CSMD2: variants seen among roughly 807,000 people sequenced by gnomAD.
CSMD2 encodes the protein CUB and Sushi multiple domains 2, also known as CUB and sushi domain-containing protein 2.
In CSMD2, 130 loss-of-function variants were observed where a neutral mutation model predicts 398.5. The ratio of observed to expected loss-of-function variants is 0.33; its 90% CI spans 0.28 to 0.38. CSMD2 has a LOEUF of 0.38. CSMD2 is among the 10% of genes least tolerant of loss of function. The pLI is 1.00. For missense variants in CSMD2, 3,829 were observed against 4,764.9 expected (o/e 0.80, Z 5.78); for synonymous variants, 1,828 against 1,908.5 (o/e 0.96, Z 1.10).
intron 3 of CSMD2, among the ~76,000 whole-genome samples, chr1:33,986,050 A>T (rs1430210747): frequency 6.6e-6 from 1 of 152,184 alleles, no homozygotes; most frequent in Non-Finnish European, 1.5e-5. Flanking sequence ...TTGAGGGCAG[A>T]GGTGGCACCT....
chr1:33,862,037 G>C (rs1639559233), intron 5 of CSMD2: 1 of 152,296 alleles, frequency 6.6e-6, no homozygotes, highest in Non-Finnish European at 1.5e-5. Flanking sequence ...CCAGGCCAGA[G>C]AAGGTTGAAG....
Position 33,739,900 on chromosome 1 carries a change from T to C in CSMD2, c.2174-566A>G, listed in dbSNP as rs1044373688. Among the ~76,000 whole-genome samples, 6 of 152,316 alleles carry C rather than the reference T, an allele frequency of 3.9e-5. No homozygotes were observed. In the South Asian group the frequency reaches 1.2e-3, roughly 32 times the overall value. On this transcript the variant is annotated intron_variant, in intron 14 of 70. Transcript: ENST00000373381. ...CTATTGTCAGGGCTGCCTCTCACTC[T>C]ACCCAGGCAATTGATAATGCAGAGT... is the stretch of plus-strand genomic sequence containing the variant.
At chr1:33,996,864 G>C (rs1646742854) in intron 3 of CSMD2, among the ~76,000 whole-genome samples, 1 of 152,036 alleles carries the variant, frequency 6.6e-6, no homozygotes. Flanking sequence ...GAGAAAAAAG[G>C]GACCGGAAGA....
intron 13 of CSMD2, among the ~76,000 whole-genome samples, chr1:33,744,258 G>A (rs1237403973): frequency 4.6e-5 from 7 of 152,186 alleles, no homozygotes; most frequent in African/African-American, 1.4e-4. Flanking sequence ...GGCGGTAACC[G>A]GGTGGAGACA....
rs538125211 is a variant in CSMD2 at position 33,514,805 on chromosome 1, G to A, written c.*1819C>T. ...CCGTGTCCCAGAGGTGGTGTGGCCA[G>A]GGGTAGGCTCCTGCCTCTGTCAGCC... On this transcript the variant is annotated 3_prime_UTR_variant, in exon 71 of 71. Transcript: ENST00000373381. The A allele has an allele frequency of 6.6e-6, 1 of 152,382 alleles. No individual in the cohort carries two copies. Among genetic ancestry groups the A allele is most frequent in the South Asian group, 2.1e-4 (1 of 4,824 alleles). The allele number at this position is 152,382 out of a possible 1,614,324, so 9.4% of individuals were successfully genotyped here.
chr1:33,783,583 TA>T (rs1653112016), intron 12 of CSMD2, among the ~76,000 whole-genome samples: 1 of 151,974 alleles, frequency 6.6e-6, no homozygotes. Flanking sequence ...GCCAAATCCT[TA>T]ACCTTGGATT....
chr1:34,033,639 C>T (rs1650739615), intron 2 of CSMD2, among the ~76,000 whole-genome samples: 1 of 152,192 alleles, frequency 6.6e-6, no homozygotes, highest in South Asian at 2.1e-4. Flanking sequence ...CCCCTCTAAG[C>T]CTCAGCCTGC....
At chr1:34,159,340 C>CCCG (rs1557450794) in intron 1 of CSMD2, among the ~76,000 whole-genome samples, 1 of 124,140 alleles carries the variant, frequency 8.1e-6, no homozygotes, top group Admixed American at 8.2e-5. Flanking sequence ...CCCCCCCCCA[C>CCCG]CCAGGAGCTT....
intron 5 of CSMD2, among the ~76,000 whole-genome samples, chr1:33,851,924 T>A (rs2125091222): frequency 6.6e-6 from 1 of 150,382 alleles, no homozygotes; most frequent in East Asian, 1.9e-4. Flanking sequence ...TCCCAAGGCT[T>A]TTTTTTTTAC....
At chr1:33,877,740 C>G (rs1421204813) in intron 5 of CSMD2, among the ~76,000 whole-genome samples, 1 of 152,026 alleles carries the variant, frequency 6.6e-6, no homozygotes, top group African/African-American at 2.4e-5. Flanking sequence ...GAAAAGAATA[C>G]TTTTCCCTAT....
At position 33,737,466 on chromosome 1, in the gene CSMD2, C is replaced by T. The variant is rs181824709; in HGVS notation, c.2368+1674G>A. ...AATGGCCAACACTTATTGAGTGTTA[C>T]CTCTCACCAGGCACTGCTCCAAGAA... On this transcript the variant is annotated intron_variant, in intron 15 of 70. Transcript: ENST00000373381. Among the ~76,000 whole-genome samples, 737 of 152,266 alleles carry T rather than the reference C, an allele frequency of 4.8e-3. 20 individuals are homozygous for T. The highest frequency in any genetic ancestry group is 0.045 in the Admixed American group (682 of 15,296).
In CSMD2 at chr1:34,045,046, C is replaced by T. The variant is rs906102028; in HGVS notation, c.405-12340G>A. Among the ~76,000 whole-genome samples the T allele has an allele frequency of 6.1e-3, 339 of 55,992 alleles. 2 individuals are homozygous for T. Among genetic ancestry groups the T allele is most frequent in the Middle Eastern group, 0.016 (2 of 122 alleles). 36.7% of individuals were successfully genotyped at this position (55,992 alleles called of 152,430 possible). ...GTCATAATCACACACCATACACACA[C>T]ACACACACACACACACACACACACA... On this transcript the variant is annotated intron_variant, in intron 2 of 70. Coordinates refer to ENST00000373381, the MANE Select transcript of CSMD2 (RefSeq NM_001281956.2).
intron 1 of CSMD2, among the ~76,000 whole-genome samples, chr1:34,144,281 A>G (rs1049442658): frequency 6.6e-6 from 1 of 152,138 alleles, no homozygotes; most frequent in Admixed American, 6.5e-5. Flanking sequence ...AGGAGAGAAC[A>G]TGTTCATCCT....
intron 1 of CSMD2, among the ~76,000 whole-genome samples, chr1:34,154,684 C>T (rs1022905035): frequency 2.0e-5 from 3 of 149,670 alleles, no homozygotes; most frequent in Non-Finnish European, 4.4e-5. Context: ...ATAAAAAATA[C>T]ATATACATAC....
chr1:33,825,862 T>C, intron 6 of CSMD2, 88 bp from the exon 7 acceptor site: 1 of 1,086,390 alleles, frequency 9.2e-7, no homozygotes, highest in East Asian at 2.5e-5. Context: ...CCCTTGTGCC[T>C]TGGAACATTC....
At chr1:34,130,700 CA>C (rs947532906) in intron 1 of CSMD2, among the ~76,000 whole-genome samples, 6 of 152,138 alleles carry the variant, frequency 3.9e-5, no homozygotes, top group African/African-American at 1.4e-4. Flanking sequence ...TTTAAAGACT[CA>C]CCCTGCTCAG....
At chr1:33,607,800 A>C (rs976149092) in intron 41 of CSMD2, among the ~76,000 whole-genome samples, 1 of 152,224 alleles carries the variant, frequency 6.6e-6, no homozygotes, top group Admixed American at 6.5e-5. Flanking sequence ...ACATCCAGGC[A>C]AGTCCTGAAG....
chr1:33,863,461 CCT>C (rs1180343408), intron 5 of CSMD2: 1 of 152,172 alleles, frequency 6.6e-6, no homozygotes, highest in Non-Finnish European at 1.5e-5. Flanking sequence ...GGTTCTCCCC[CCT>C]CTTTCGCCTC....
chr1:33,775,697 C>G (rs1359216452), intron 12 of CSMD2, among the ~76,000 whole-genome samples: 1 of 152,162 alleles, frequency 6.6e-6, no homozygotes, highest in Admixed American at 6.5e-5. Context: ...GTGGAAATAT[C>G]TAGCAGGAAG....
Sources: gnomAD v4.1 joint callset for allele counts (sites outside exome capture counted in the v4.1 genomes callset) on GRCh38, gnomAD v4.1.1 for gene constraint, MANE v1.5 for transcripts, NCBI Gene and HGNC (gene_info 2026-07-23, HGNC 2026-07-21) for gene names.